The following UBE2E3 variants were observed in gnomAD, a reference collection of about 807,000 sequenced individuals.
The protein encoded by UBE2E3 is ubiquitin-conjugating enzyme E2 E3.
In UBE2E3, 5 loss-of-function variants were observed where a neutral mutation model predicts 23.6. The ratio of observed to expected loss-of-function variants is 0.21; its 90% CI spans 0.11 to 0.44. UBE2E3 has a LOEUF of 0.44. Ranked by LOEUF, UBE2E3 falls within the 20% of genes least tolerant of loss-of-function variation. The pLI is 0.99. For synonymous variants in UBE2E3, 78 were observed against 87.5 expected, an observed-to-expected ratio of 0.89 and a Z score of 0.60; for missense variants, 81 against 249.8, an observed-to-expected ratio of 0.32 and a Z score of 4.55.
At chr2:181,030,325 A>T (rs1388807826) in intron 3 of UBE2E3, among the ~76,000 whole-genome samples, 1 of 150,954 alleles carries the variant, frequency 6.6e-6, no homozygotes. Flanking sequence ...TTATTTATTT[A>T]TTTTTTGAGA....
chr2:180,999,878 T>C (rs898933449), intron 3 of UBE2E3, among the ~76,000 whole-genome samples: 1 of 151,870 alleles, frequency 6.6e-6, no homozygotes, highest in African/African-American at 2.4e-5. Flanking sequence ...ATTTTACATA[T>C]AATGATATAA....
At chr2:181,046,630 T>C (rs1006710807) in intron 3 of UBE2E3, among the ~76,000 whole-genome samples, 1 of 152,104 alleles carries the variant, frequency 6.6e-6, no homozygotes, top group Non-Finnish European at 1.5e-5. Context: ...AACTGTACAG[T>C]GTGCAAAGAA....
At chr2:181,029,803 G>A (rs1574199524) in intron 3 of UBE2E3, among the ~76,000 whole-genome samples, 1 of 143,022 alleles carries the variant, frequency 7.0e-6, no homozygotes. Flanking sequence ...TGGCGTGGGT[G>A]TTTGAAAAGG....
intron 3 of UBE2E3, chr2:180,987,446 C>T (rs970211198): frequency 6.5e-7 from 1 of 1,532,000 alleles, no homozygotes; most frequent in East Asian, 2.5e-5. Context: ...GGAAGAAGCA[C>T]AAATATACTG....
chr2:181,061,788 T>C (rs1687160721), intron 5 of UBE2E3, among the ~76,000 whole-genome samples: 1 of 151,344 alleles, frequency 6.6e-6, no homozygotes, highest in Non-Finnish European at 1.5e-5. Flanking sequence ...TTTTTTTTTT[T>C]TAAGTTGACT....
At position 180,980,868 on chromosome 2, in the gene UBE2E3, C is replaced by T. The variant is rs576942719; in HGVS notation, c.-131C>T. The T allele has an allele frequency of 1.3e-5, 2 of 149,864 alleles. No individual in the cohort carries two copies. The highest frequency in any genetic ancestry group is 3.0e-5 in the Non-Finnish European group (2 of 67,190). 9.3% of individuals were successfully genotyped at this position (149,864 alleles called of 1,614,324 possible). ...CTCGGCTTCTTTTTTTCCCTCCCCC[C>T]CCTTCCCCCCCCCACAGCTGCCTCC... On this transcript the variant is annotated 5_prime_UTR_variant, in exon 1 of 6. Transcript: ENST00000410062. This position sits in a 1 kb window ranked among gnomAD's most constrained non-coding sequence, Gnocchi z 5.5.
rs1387665375 is a variant in UBE2E3 at position 180,982,194 on chromosome 2, T to A, written c.152T>A (p.Leu51His). 6.2e-7 allele frequency: 1 copy of A among 1,611,694 alleles called. No homozygotes were observed. The highest frequency in any genetic ancestry group is 8.5e-7 in the Non-Finnish European group (1 of 1,179,324). ...ACCCAGCAGAAGAAAAACACCAAAC[T>A]CTCTAGCAAAACCACTGCTAAGTTA... Reference protein sequence around the residue: ...SATQQKKNTKLSSKTTAKLST... With the variant: ...SATQQKKNTKHSSKTTAKLST... The change falls in exon 2 of 6, where the codon CTC becomes CAC. Residue 51 changes from leucine (L) to histidine (H), a missense_variant. Leu to His is a moderately conservative substitution (Grantham distance 99, BLOSUM62 -3). Transcript: ENST00000410062.
chr2:181,054,095 A>G (rs971058191), intron 3 of UBE2E3, among the ~76,000 whole-genome samples: 2 of 151,802 alleles, frequency 1.3e-5, no homozygotes, highest in Admixed American at 6.6e-5. Context: ...CCATTCACCT[A>G]CTGAAGTAAC....
At chr2:180,986,581 A>G (rs1684477902) in intron 3 of UBE2E3, among the ~76,000 whole-genome samples, 2 of 152,142 alleles carry the variant, frequency 1.3e-5, no homozygotes, top group African/African-American at 4.8e-5. Flanking sequence ...GTGATTGTAC[A>G]GTTTAAATTT....
intron 3 of UBE2E3, among the ~76,000 whole-genome samples, chr2:181,049,950 T>A (rs1203308369): frequency 6.6e-6 from 1 of 151,984 alleles, no homozygotes; most frequent in South Asian, 2.1e-4. Context: ...AGAAAAAATA[T>A]ATTTATTTGC....
chr2:180,987,256 C>G, intron 3 of UBE2E3: 1 of 1,455,368 alleles, frequency 6.9e-7, no homozygotes, highest in Non-Finnish European at 9.3e-7. Flanking sequence ...GGGCATTTCC[C>G]TATTTGTATT....
At chr2:181,049,654 T>TAGATCA in intron 3 of UBE2E3, among the ~76,000 whole-genome samples, 1 of 152,160 alleles carries the variant, frequency 6.6e-6, no homozygotes, top group South Asian at 2.1e-4. Context: ...TGGTAATTAC[T>TAGATCA]AGATCAAGAA....
intron 5 of UBE2E3, 54 bp downstream of exon 5, chr2:181,060,866 T>A: frequency 3.4e-6 from 2 of 590,750 alleles, no homozygotes; most frequent in Non-Finnish European, 4.7e-6. Flanking sequence ...GAGTGCTTTT[T>A]TTTTTTTTTT....
chr2:181,058,483 C>T (rs1017399225), intron 4 of UBE2E3, among the ~76,000 whole-genome samples: 1 of 151,680 alleles, frequency 6.6e-6, no homozygotes, highest in South Asian at 2.1e-4. Context: ...GAATGGCTCC[C>T]TCCGCTAACT....
chr2:181,017,637 C>G (rs932338656), intron 3 of UBE2E3, among the ~76,000 whole-genome samples: 4 of 76,754 alleles, frequency 5.2e-5, no homozygotes, highest in African/African-American at 1.9e-4. Context: ...CTACTCTGGA[C>G]TCTTCCTTGA....
At chr2:181,024,109 G>A (rs1168308563) in intron 3 of UBE2E3, among the ~76,000 whole-genome samples, 1 of 152,030 alleles carries the variant, frequency 6.6e-6, no homozygotes, top group Non-Finnish European at 1.5e-5. Flanking sequence ...TGTATGTTCA[G>A]TCCTTCACTA....
chr2:181,042,222 CAG>C (rs2105668231), intron 3 of UBE2E3, among the ~76,000 whole-genome samples: 1 of 152,310 alleles, frequency 6.6e-6, no homozygotes, highest in African/African-American at 2.4e-5. Context: ...TCTTAGGAAT[CAG>C]AGAATATGTG....
chr2:180,992,505 TG>T (rs1232659886), intron 3 of UBE2E3, among the ~76,000 whole-genome samples: 2 of 152,130 alleles, frequency 1.3e-5, no homozygotes, highest in East Asian at 3.9e-4. Flanking sequence ...TGAAGACCAC[TG>T]TGGGTCCAGG....
intron 3 of UBE2E3, among the ~76,000 whole-genome samples, chr2:180,999,685 C>T (rs1425789876): frequency 6.6e-6 from 1 of 150,794 alleles, no homozygotes; most frequent in Non-Finnish European, 1.5e-5. Context: ...CCTTGTTGTA[C>T]ATCAAGGACA....
Sources: gnomAD v4.1 joint callset for allele counts (sites outside exome capture counted in the v4.1 genomes callset) on GRCh38, gnomAD v4.1.1 for gene constraint, Gnocchi (gnomAD v3.1) non-coding constraint, MANE v1.5 for transcripts, NCBI Gene and HGNC (gene_info 2026-07-23, HGNC 2026-07-21) for gene names.